The following PRKDC variants were observed in gnomAD, a reference collection of about 807,000 sequenced individuals.
PRKDC encodes DNA-dependent protein kinase catalytic subunit.
PRKDC carries 82 observed loss-of-function variants against 486.9 expected under a neutral mutation model. That is an observed-to-expected ratio of 0.17 (90% CI 0.14 to 0.20). PRKDC has a LOEUF of 0.20. Ranked by LOEUF, PRKDC falls within the 10% of genes least tolerant of loss-of-function variation. The probability of loss-of-function intolerance (pLI) is 1.00; values close to 1 mark genes in which losing one functional copy is unlikely to be tolerated. For missense variants in PRKDC, 4,504 were observed against 5,038.2 expected (o/e 0.89, Z 3.21); for synonymous variants, 1,895 against 1,837.0 (o/e 1.03, Z -0.81).
chr8:47,783,666 C>T lies in PRKDC; in HGVS notation c.11175+76G>A, dbSNP rs565437717. ...TCAACATGGGCCGTTGTCTCATATACTAAAGGCAAACAGATCATTCTCATC... is the reference window on the plus strand; with the variant it reads ...TCAACATGGGCCGTTGTCTCATATATTAAAGGCAAACAGATCATTCTCATC... On this transcript the variant is annotated intron_variant, in intron 78 of 85. Coordinates refer to ENST00000314191, the MANE Select transcript of PRKDC (RefSeq NM_006904.7). The T allele has an allele frequency of 4.8e-4, 692 of 1,447,130 alleles. 1 individual carries two copies. Among genetic ancestry groups the T allele is most frequent in the Non-Finnish European group, 6.2e-4 (634 of 1,030,806 alleles). The allele number at this position is 1,447,130 out of a possible 1,614,324, so 89.6% of individuals were successfully genotyped here.
chr8:47,950,999 A>G (rs1307029044), intron 7 of PRKDC, among the ~76,000 whole-genome samples: 1 of 152,236 alleles, frequency 6.6e-6, no homozygotes, highest in Non-Finnish European at 1.5e-5. Flanking sequence ...AAAAAATAAA[A>G]AAACTGAACT....
At position 47,929,181 on chromosome 8, in the gene PRKDC, G is replaced by A. The variant is rs770668675; in HGVS notation, c.2053-3C>T. On this transcript the variant is annotated splice_polypyrimidine_tract_variant and splice_region_variant and intron_variant, in intron 18 of 85. Transcript: ENST00000314191. ...TTCAGACTCTTTGGACTAACTCCCT[G>A]TCAAATAAAACAGCAAGTTAGTACA... The A allele has an allele frequency of 3.2e-6, 5 of 1,556,910 alleles. No individual in the cohort carries two copies. The highest frequency in any genetic ancestry group is 4.4e-6 in the Non-Finnish European group (5 of 1,145,302).
Position 47,785,187 on chromosome 8 carries a change from C to G in PRKDC, c.11033G>C (p.Gly3678Ala). ...CCAGGGTGAACATTCTTTCAGATTC[C>G]CAGGGGGCTTTGAGTCTTTGTTCAT... The part of the protein sequence containing the change: ...LKMNKDSKPP[G>A]NLKECSPWMS... The change falls in exon 77 of 86, where the codon GGG (glycine) becomes GCG (alanine). Residue 3678 changes from glycine (G) to alanine (A), a missense_variant. This residue lies in a region of PRKDC where 706 missense variants were observed against 945.0 expected (regional missense o/e 0.75). Coordinates refer to ENST00000314191, the MANE Select transcript of PRKDC (RefSeq NM_006904.7). 3.1e-6 allele frequency: 5 copies of G among 1,613,844 alleles called. No individual in the cohort carries two copies. The highest frequency in any genetic ancestry group is 4.2e-6 in the Non-Finnish European group (5 of 1,179,862).
intron 25 of PRKDC, among the ~76,000 whole-genome samples, chr8:47,909,679 C>T (rs1311668724): frequency 6.6e-6 from 1 of 152,058 alleles, no homozygotes; most frequent in African/African-American, 2.4e-5. Context: ...AATTCTTTTC[C>T]CAGCAAGGAA....
At position 47,947,689 on chromosome 8, in the gene PRKDC, C is replaced by T. The variant is rs530152037; in HGVS notation, c.722-3660G>A. The stretch of plus-strand genomic sequence containing the variant: ...TTTGGAGGCCAAGGCAGGTGGATTG[C>T]TTGAGCCCAGGAGTTCAAGACCAGC... On this transcript the variant is annotated intron_variant, in intron 7 of 85. Coordinates refer to ENST00000314191, the MANE Select transcript of PRKDC (RefSeq NM_006904.7). Among the ~76,000 whole-genome samples the T allele has an allele frequency of 1.1e-4, 16 of 152,324 alleles. No homozygotes were observed. The South Asian group carries it at 2.9e-3, about 28-fold the overall frequency.
At chr8:47,808,020 G>A (rs2087251618) in intron 68 of PRKDC, among the ~76,000 whole-genome samples, 2 of 152,094 alleles carry the variant, frequency 1.3e-5, no homozygotes, top group Admixed American at 1.3e-4. Context: ...TATCATGTCT[G>A]GCCTAAATTT....
rs1035934622 is a variant in PRKDC at position 47,955,726 on chromosome 8, T to C, written c.399+148A>G. On this transcript the variant is annotated intron_variant, in intron 4 of 85. Transcript: ENST00000314191. ...AAGCCAGGGTATTGTCAGGTGATGGTTGGAGAATGTGCATCTTACCCACAC... is the reference window on the plus strand; with the variant it reads ...AAGCCAGGGTATTGTCAGGTGATGGCTGGAGAATGTGCATCTTACCCACAC... 5 of 590,328 alleles carry C rather than the reference T, an allele frequency of 8.5e-6. No individual in the cohort carries two copies. The African/African-American group carries it at 9.4e-5, about 11-fold the overall frequency. The allele number at this position is 590,328 out of a possible 1,614,324, so 36.6% of individuals were successfully genotyped here. A position where few individuals can be genotyped will look rare whatever the true frequency, so the allele number is the denominator to read the frequency against.
In PRKDC at chr8:47,821,926, G is replaced by T. The variant is rs1044177007; in HGVS notation, c.8923-134C>A. On this transcript the variant is annotated intron_variant, in intron 64 of 85. Coordinates refer to ENST00000314191, the MANE Select transcript of PRKDC (RefSeq NM_006904.7). ...ATTTACGGAAAGGAGAGAGAAAAGA[G>T]AAGCTATTCAGAGTAACACTGAATG... The T allele has an allele frequency of 3.4e-6, 3 of 879,372 alleles. No individual in the cohort carries two copies. The East Asian group carries it at 8.4e-5, about 25-fold the overall frequency. The allele number at this position is 879,372 out of a possible 1,614,324, so 54.5% of individuals were successfully genotyped here.
intron 1 of PRKDC, 45 bp downstream of exon 1, chr8:47,959,927 CG>C: frequency 6.6e-7 from 1 of 1,522,018 alleles, no homozygotes; most frequent in East Asian, 2.5e-5. Flanking sequence ...CAGAACGACT[CG>C]GGAAGCCAGG....
chr8:47,876,936 C>A (rs2089103703), intron 40 of PRKDC, among the ~76,000 whole-genome samples: 1 of 152,300 alleles, frequency 6.6e-6, no homozygotes, highest in Middle Eastern at 3.4e-3. Context: ...CCTAGCATCA[C>A]TAAAAGCAGG....
chr8:47,836,229 T>C (rs1008487022), intron 58 of PRKDC, 109 bp downstream of exon 58: 2 of 1,127,478 alleles, frequency 1.8e-6, no homozygotes, highest in Non-Finnish European at 2.3e-6. Flanking sequence ...TTAACGCTTT[T>C]TGCTATTATC....
intron 27 of PRKDC, among the ~76,000 whole-genome samples, chr8:47,901,728 T>G (rs959212898): frequency 6.6e-6 from 1 of 152,128 alleles, no homozygotes; most frequent in African/African-American, 2.4e-5. Flanking sequence ...ACCTCCAACA[T>G]AGACACAGGT....
intron 25 of PRKDC, among the ~76,000 whole-genome samples, chr8:47,909,864 C>G (rs760462855): frequency 5.3e-5 from 8 of 152,172 alleles, no homozygotes; most frequent in Non-Finnish European, 1.2e-4. Context: ...GATTGGTTGT[C>G]TGCCCTCGAA....
At chr8:47,956,010 A>T in intron 3 of PRKDC, 62 bp from the exon 4 acceptor site, 1 of 1,215,290 alleles carries the variant, frequency 8.2e-7, no homozygotes, top group Non-Finnish European at 1.2e-6. Flanking sequence ...AGACTCAGCA[A>T]TACCTGAAAC....
chr8:47,921,287 T>C (rs1354241830), intron 21 of PRKDC, among the ~76,000 whole-genome samples: 1 of 151,930 alleles, frequency 6.6e-6, no homozygotes, highest in Non-Finnish European at 1.5e-5. Flanking sequence ...AAAAATGTAA[T>C]AAGTTTATGT....
At chr8:47,861,311 T>C (rs1378867210) in intron 44 of PRKDC, among the ~76,000 whole-genome samples, 2 of 152,244 alleles carry the variant, frequency 1.3e-5, no homozygotes, top group South Asian at 2.1e-4. Context: ...TTATGATATA[T>C]CATAGTGCTT....
chr8:47,929,766 G>T, intron 18 of PRKDC, 87 bp downstream of exon 18: 1 of 1,341,644 alleles, frequency 7.5e-7, no homozygotes, highest in Non-Finnish European at 1.0e-6. Flanking sequence ...AAACTGCATA[G>T]GCCACAATCA....
chr8:47,852,194 C>T (rs1331466342), intron 52 of PRKDC, among the ~76,000 whole-genome samples: 3 of 152,192 alleles, frequency 2.0e-5, no homozygotes, highest in African/African-American at 7.2e-5. Flanking sequence ...TGCACTTAAA[C>T]GTTCAGTTAG....
intron 21 of PRKDC, among the ~76,000 whole-genome samples, chr8:47,919,021 G>A (rs2090032539): frequency 6.6e-6 from 1 of 151,472 alleles, no homozygotes; most frequent in African/African-American, 2.4e-5. Flanking sequence ...CTTCTTTCCT[G>A]AAGCACTGAG....
Sources: gnomAD v4.1 joint callset for allele counts (sites outside exome capture counted in the v4.1 genomes callset) on GRCh38, gnomAD v4.1.1 for gene constraint, gnomAD v4.1.1 regional missense constraint, MANE v1.5 for transcripts, NCBI Gene and HGNC (gene_info 2026-07-23, HGNC 2026-07-21) for gene names.